GLYATL1: variants seen among roughly 807,000 people sequenced by gnomAD.
GLYATL1 encodes the protein glycine N-acyltransferase-like protein 1.
Under a neutral mutation model 20.0 loss-of-function variants are expected in GLYATL1, and 15 were observed. The observed-to-expected ratio is 0.75, with a 90% CI of 0.50 to 1.15. The LOEUF is 1.15. GLYATL1 is among the 50% of genes most tolerant of loss of function. The pLI, the probability that GLYATL1 is intolerant of heterozygous loss-of-function variation, is 0.00. For missense variants in GLYATL1, 380 were observed against 368.5 expected (o/e 1.03, Z -0.26); for synonymous variants, 151 against 131.5 (o/e 1.15, Z -1.01).
At chr11:58,924,307 C>T (rs1855375357), upstream of GLYATL1, among the ~76,000 whole-genome samples, 2 of 152,210 alleles carry the variant, frequency 1.3e-5, no homozygotes, top group Admixed American at 1.3e-4. Flanking sequence ...GTCAATCTCA[C>T]CCTGAGAGGG....
At chr11:58,941,520 T>A (rs1008868226) in intron 1 of GLYATL1, among the ~76,000 whole-genome samples, 1 of 152,188 alleles carries the variant, frequency 6.6e-6, no homozygotes, top group Non-Finnish European at 1.5e-5. Flanking sequence ...CATGTGTCTT[T>A]ATAGCAGCAT....
chr11:58,945,951 C>T (rs1856541492), intron 2 of GLYATL1, among the ~76,000 whole-genome samples: 1 of 152,182 alleles, frequency 6.6e-6, no homozygotes, highest in Non-Finnish European at 1.5e-5. Context: ...AAATATGTTT[C>T]ACCTTGCCTA....
intron 2 of GLYATL1, among the ~76,000 whole-genome samples, chr11:58,944,772 G>T (rs1856443974): frequency 6.6e-6 from 1 of 151,918 alleles, no homozygotes; most frequent in Non-Finnish European, 1.5e-5. Context: ...TTTACAGACT[G>T]TCATTCACAA....
upstream of GLYATL1, among the ~76,000 whole-genome samples, chr11:58,936,915 G>C (rs1254512430): frequency 1.3e-5 from 2 of 152,134 alleles, no homozygotes; most frequent in Non-Finnish European, 1.5e-5. Flanking sequence ...AGCATGACTT[G>C]TTCTCTCCAT....
At chr11:58,908,410 C>T (rs1854959390) in exon 2 of GLYATL1, 1 of 158,460 alleles carries the variant, frequency 6.3e-6, no homozygotes, top group Non-Finnish European at 1.4e-5. Context: ...AAATTCAATC[C>T]TTGGTTCTCC....
downstream of GLYATL1, among the ~76,000 whole-genome samples, chr11:58,910,012 G>A (rs1379723866): frequency 2.0e-5 from 3 of 152,140 alleles, no homozygotes; most frequent in Non-Finnish European, 4.4e-5. Context: ...TCCCAATAAT[G>A]AGTCTATCCT....
chr11:58,941,998 G>A (rs1250076276), intron 1 of GLYATL1, among the ~76,000 whole-genome samples: 2 of 152,204 alleles, frequency 1.3e-5, no homozygotes, highest in South Asian at 2.1e-4. Flanking sequence ...CCTACTTGGG[G>A]CAATGTTTCA....
downstream of GLYATL1, among the ~76,000 whole-genome samples, chr11:58,908,874 T>C (rs1239677222): frequency 1.3e-5 from 2 of 152,228 alleles, no homozygotes; most frequent in African/African-American, 2.4e-5. Flanking sequence ...TGTTCCATCA[T>C]TTGAATTATC....
chr11:58,945,719 G>A (rs1046321655), intron 2 of GLYATL1, among the ~76,000 whole-genome samples: 2 of 152,084 alleles, frequency 1.3e-5, no homozygotes, highest in African/African-American at 4.8e-5. Flanking sequence ...TGGAGATGGG[G>A]GGAAGAAAAA....
chr11:58,950,914 T>C (rs1164486310), intron 4 of GLYATL1, among the ~76,000 whole-genome samples: 1 of 152,208 alleles, frequency 6.6e-6, no homozygotes, highest in African/African-American at 2.4e-5. Context: ...TTTGTGTCAT[T>C]CTTAAAATTT....
intron 1 of GLYATL1, chr11:58,943,199 A>G (rs1183207348): frequency 2.2e-6 from 3 of 1,369,410 alleles, no homozygotes; most frequent in Non-Finnish European, 2.9e-6. Context: ...CTTAATCATC[A>G]GACAAAATTG....
intron 1 of GLYATL1, among the ~76,000 whole-genome samples, chr11:58,918,227 C>A (rs965163764): frequency 6.6e-6 from 1 of 152,188 alleles, no homozygotes; most frequent in Non-Finnish European, 1.5e-5. Context: ...TAGCCAGCAC[C>A]ACTTCTATTA....
chr11:58,953,195 T>G (rs975739060), intron 4 of GLYATL1, among the ~76,000 whole-genome samples: 1 of 152,228 alleles, frequency 6.6e-6, no homozygotes, highest in Non-Finnish European at 1.5e-5. Context: ...TTTAATTTCA[T>G]TTCTGATATT....
intron 1 of GLYATL1, among the ~76,000 whole-genome samples, chr11:58,922,279 C>A (rs952349579): frequency 6.6e-6 from 1 of 152,074 alleles, no homozygotes; most frequent in Non-Finnish European, 1.5e-5. Flanking sequence ...TTGGATGGTG[C>A]GTTAGGAAGA....
intron 4 of GLYATL1, among the ~76,000 whole-genome samples, chr11:58,950,463 T>C (rs950673150): frequency 2.0e-5 from 3 of 152,218 alleles, no homozygotes; most frequent in African/African-American, 7.2e-5. Context: ...TGCTATTTAG[T>C]CAATCATTCT....
upstream of GLYATL1, among the ~76,000 whole-genome samples, chr11:58,924,261 G>A (rs1032096947): frequency 1.1e-4 from 17 of 152,188 alleles, no homozygotes; most frequent in African/African-American, 4.1e-4. Context: ...AGGTACCATG[G>A]TTTAAAGTAA....
At chr11:58,909,352 A>G (rs1481082135), downstream of GLYATL1, among the ~76,000 whole-genome samples, 1 of 152,182 alleles carries the variant, frequency 6.6e-6, no homozygotes, top group Non-Finnish European at 1.5e-5. Flanking sequence ...TTGTATACTT[A>G]AATTATTGCT....
At chr11:58,950,595 G>A (rs913395938) in intron 4 of GLYATL1, among the ~76,000 whole-genome samples, 3 of 152,078 alleles carry the variant, frequency 2.0e-5, no homozygotes, top group African/African-American at 7.2e-5. Flanking sequence ...TTTCCAAAAG[G>A]AATATCTGCA....
chr11:58,955,537 CT>C, intron 6 of GLYATL1, 72 bp from the exon 7 acceptor site: 1 of 1,514,608 alleles, frequency 6.6e-7, no homozygotes, highest in South Asian at 1.2e-5. Flanking sequence ...CCTGGGATCT[CT>C]AGATTGGGAT....
Sources: allele counts gnomAD v4.1 joint callset (sites outside exome capture counted in the v4.1 genomes callset), GRCh38; gene constraint gnomAD v4.1.1; transcripts MANE v1.5; gene names NCBI Gene and HGNC (gene_info 2026-07-23, HGNC 2026-07-21).